KSR2: variants seen among roughly 807,000 people sequenced by gnomAD.
KSR2 encodes the protein kinase suppressor of ras 2.
KSR2 carries 25 observed loss-of-function variants against 107.8 expected under a neutral mutation model. The observed-to-expected ratio is 0.23, with a 90% CI of 0.17 to 0.32. The LOEUF (loss-of-function observed/expected upper bound fraction) is 0.32, where lower values mean the gene tolerates loss of function less well. Among genes scored for constraint, KSR2 ranks in the 10% least tolerant of loss-of-function variants. The pLI is 1.00. For synonymous variants in KSR2, 480 were observed against 507.0 expected, an observed-to-expected ratio of 0.95 and a Z score of 0.71; for missense variants, 887 against 1,268.9, an observed-to-expected ratio of 0.70 and a Z score of 4.57.
intron 1 of KSR2, among the ~76,000 whole-genome samples, chr12:117,936,536 G>GTAGTAC (rs1456103829): frequency 2.4e-5 from 2 of 82,208 alleles, no homozygotes; most frequent in African/African-American, 1.0e-4. Context: ...ATTATTATTA[G>GTAGTAC]TAGTAGTAGT....
chr12:117,689,025 A>G (rs1593132622), intron 4 of KSR2, among the ~76,000 whole-genome samples: 1 of 151,060 alleles, frequency 6.6e-6, no homozygotes, highest in Non-Finnish European at 1.5e-5. Context: ...AGTTCCTCCA[A>G]CCCCCTTACT....
At chr12:117,952,773 C>T (rs773149183) in intron 1 of KSR2, among the ~76,000 whole-genome samples, 13 of 151,962 alleles carry the variant, frequency 8.6e-5, no homozygotes, top group Non-Finnish European at 1.6e-4. Context: ...CACCTGAGGT[C>T]AAGAGTTCGA....
At chr12:117,751,370 T>C (rs1888606406) in intron 4 of KSR2, among the ~76,000 whole-genome samples, 1 of 152,054 alleles carries the variant, frequency 6.6e-6, no homozygotes, top group Admixed American at 6.6e-5. Context: ...ACACTGTATA[T>C]CAAGGATTAA....
At chr12:117,690,555 ACT>A (rs1185417695) in intron 4 of KSR2, among the ~76,000 whole-genome samples, 1 of 151,862 alleles carries the variant, frequency 6.6e-6, no homozygotes, top group African/African-American at 2.4e-5. Flanking sequence ...ACAGAGGAAG[ACT>A]CTGTCTCAAA....
chr12:117,737,069 A>C (rs1887976039), intron 4 of KSR2, among the ~76,000 whole-genome samples: 1 of 152,118 alleles, frequency 6.6e-6, no homozygotes. Flanking sequence ...CACCATTTTC[A>C]CCTGTGTGGC....
chr12:117,646,553 C>G (rs1209931173), intron 5 of KSR2, among the ~76,000 whole-genome samples: 1 of 152,104 alleles, frequency 6.6e-6, no homozygotes, highest in Admixed American at 6.6e-5. Flanking sequence ...GCAGCCAAAG[C>G]CTGGAGGGTT....
Position 117,467,100 on chromosome 12 carries a change from G to A in KSR2, c.*99C>T. 1.8e-6 allele frequency: 1 copy of A among 550,960 alleles called. No homozygotes were observed. Among genetic ancestry groups the A allele is most frequent in the Non-Finnish European group, 3.3e-6 (1 of 303,512 alleles). The allele number at this position is 550,960 out of a possible 1,614,324, so 34.1% of individuals were successfully genotyped here. A position where few individuals can be genotyped will look rare whatever the true frequency, so the allele number is the denominator to read the frequency against. On this transcript the variant is annotated 3_prime_UTR_variant, in exon 20 of 20. Coordinates refer to ENST00000339824, the MANE Select transcript of KSR2 (RefSeq NM_173598.6). ...AGGTCGGTCGGGGTTGGTACCCTCT[G>A]ATGCTGAGTCTCTGGCCTCCTGAGC...
At position 117,761,521 on chromosome 12, in the gene KSR2, C is replaced by A; in HGVS notation, c.476G>T (p.Gly159Val). ...SCLRNVHMSG[G>V]NLSKQDWTIQ... ...GGTCCAGTCTTGTTTGGAAAGGTTG[C>A]CTCCTGAGTTGGAACAGAAGAGCAG... The change falls in exon 4 of 20, where the codon GGC (glycine) becomes GTC (valine). Residue 159 changes from glycine to valine, a missense_variant. Physicochemically the swap from Gly to Val is moderately radical, Grantham distance 109. This residue lies in a region of KSR2 where 399 missense variants were observed against 479.5 expected (regional missense o/e 0.83). Transcript: ENST00000339824. The A allele has an allele frequency of 6.2e-7, 1 of 1,613,318 alleles. No homozygotes were observed. The highest frequency in any genetic ancestry group is 8.5e-7 in the Non-Finnish European group (1 of 1,179,794).
chr12:117,896,711 C>T (rs1431476827), intron 1 of KSR2, among the ~76,000 whole-genome samples: 1 of 152,232 alleles, frequency 6.6e-6, no homozygotes, highest in Non-Finnish European at 1.5e-5. Flanking sequence ...CCCTCTGCCT[C>T]GGCCTCCCAA....
At chr12:117,477,475 T>C (rs577995468) in intron 16 of KSR2, among the ~76,000 whole-genome samples, 7 of 152,242 alleles carry the variant, frequency 4.6e-5, no homozygotes, top group African/African-American at 1.4e-4. Context: ...GCTTGCACTT[T>C]AGTAGGGAAA....
At chr12:117,950,307 T>C (rs1896322499) in intron 1 of KSR2, among the ~76,000 whole-genome samples, 1 of 152,042 alleles carries the variant, frequency 6.6e-6, no homozygotes, top group Non-Finnish European at 1.5e-5. Context: ...AACAATAAGA[T>C]AGATTCATGG....
intron 7 of KSR2, among the ~76,000 whole-genome samples, chr12:117,576,535 T>G (rs61937252): frequency 0.075 from 11,490 of 152,214 alleles, 559 homozygotes; most frequent in Non-Finnish European, 0.11. Flanking sequence ...TCTTGCTCTG[T>G]TGCCTAGGCT....
intron 18 of KSR2, 118 bp downstream of exon 18, chr12:117,471,072 AT>A: frequency 1.8e-5 from 23 of 1,254,908 alleles, no homozygotes; most frequent in East Asian, 5.3e-5. Flanking sequence ...TGGAATGCAT[AT>A]TTTTTTGGTC....
intron 5 of KSR2, among the ~76,000 whole-genome samples, chr12:117,588,343 A>G (rs1445698094): frequency 6.6e-6 from 1 of 152,172 alleles, no homozygotes; most frequent in Non-Finnish European, 1.5e-5. Flanking sequence ...AGGGGAGGAT[A>G]AAAAGGTAGC....
Position 117,484,472 on chromosome 12 carries a change from T to C in KSR2, c.2394A>G (p.Lys798=). ...AGAGTCCAAAGTCCGTGATGACCAC[T>C]TTGCCGTTGTCATAGAAGACGTTCT... is the stretch of plus-strand genomic sequence containing the variant. ...KSKNVFYDNG[K]VVITDFGLFS... is the part of the protein sequence containing the mutation. The change falls in exon 16 of 20, where the codon AAA becomes AAG. Residue 798 remains lysine (K), a synonymous_variant. Transcript: ENST00000339824. 6.2e-7 allele frequency: 1 copy of C among 1,613,958 alleles called. No homozygotes were observed.
intron 3 of KSR2, among the ~76,000 whole-genome samples, chr12:117,772,478 G>A (rs1218258458): frequency 1.9e-5 from 2 of 103,938 alleles, no homozygotes; most frequent in East Asian, 3.1e-4. Flanking sequence ...CCCCAAAGAC[G>A]CACACACACT....
At chr12:117,568,972 C>T (rs1391369647) in intron 7 of KSR2, among the ~76,000 whole-genome samples, 1 of 152,124 alleles carries the variant, frequency 6.6e-6, no homozygotes, top group African/African-American at 2.4e-5. Flanking sequence ...CTGCCAATAT[C>T]CTGCCTGTTG....
chr12:117,765,643 G>A (rs751152582), intron 3 of KSR2, among the ~76,000 whole-genome samples: 7 of 152,190 alleles, frequency 4.6e-5, no homozygotes, highest in Non-Finnish European at 1.0e-4. Context: ...CACATTCTTA[G>A]TAGGGAAACA....
intron 4 of KSR2, among the ~76,000 whole-genome samples, chr12:117,736,190 T>C (rs1407292350): frequency 1.3e-5 from 2 of 152,156 alleles, no homozygotes; most frequent in East Asian, 1.9e-4. Context: ...TGTTAAAATG[T>C]CCCCCAGGTC....
Sources: allele counts gnomAD v4.1 joint callset (sites outside exome capture counted in the v4.1 genomes callset), GRCh38; gene constraint gnomAD v4.1.1; regional missense constraint gnomAD v4.1.1; transcripts MANE v1.5; gene names NCBI Gene and HGNC (gene_info 2026-07-23, HGNC 2026-07-21).